Variants in SVOP observed in about 807,000 individuals in gnomAD.
SVOP encodes the protein SV2 related protein.
A neutral mutation model predicts 69.1 loss-of-function variants in SVOP; 17 were observed. The ratio of observed to expected loss-of-function variants is 0.25; its 90% CI spans 0.17 to 0.37. The LOEUF is 0.37. SVOP is among the 10% of genes least tolerant of loss of function. The probability of loss-of-function intolerance (pLI) is 1.00; values close to 1 mark genes in which losing one functional copy is unlikely to be tolerated. For missense variants in SVOP, 435 were observed against 597.5 expected, an observed-to-expected ratio of 0.73 and a Z score of 2.84; for synonymous variants, 238 against 238.6, an observed-to-expected ratio of 1.00 and a Z score of 0.02.
rs1388276839 is a variant in SVOP, at chr12:108,910,551, G to A, written c.*1984C>T. 1 of 152,234 alleles carries A rather than the reference G, an allele frequency of 6.6e-6. No individual in the cohort carries two copies. Among genetic ancestry groups the A allele is most frequent in the Non-Finnish European group, 1.5e-5 (1 of 68,042 alleles). The allele number at this position is 152,234 out of a possible 1,614,324, so 9.4% of individuals were successfully genotyped here. On this transcript the variant is annotated 3_prime_UTR_variant, in exon 16 of 16. Coordinates refer to ENST00000610966, the MANE Select transcript of SVOP (RefSeq NM_018711.5). ...TTCAAGGAAATGTGGTTGTCAGAGA[G>A]AGACAGAGATCTGCCAAGCCATCTC...
chr12:109,019,947 T>C (rs1440398828), intron 1 of SVOP, among the ~76,000 whole-genome samples: 2 of 152,120 alleles, frequency 1.3e-5, no homozygotes, highest in Non-Finnish European at 2.9e-5. Context: ...TTTCTAACAA[T>C]CCCAAAGGGA....
intron 12 of SVOP, among the ~76,000 whole-genome samples, chr12:108,922,289 T>C (rs1364420888): frequency 6.6e-6 from 1 of 152,238 alleles, no homozygotes; most frequent in African/African-American, 2.4e-5. Context: ...TTGGGTTCCC[T>C]AAGCTTGGGG....
chr12:108,952,588 T>C (rs1177983178), intron 6 of SVOP, among the ~76,000 whole-genome samples: 1 of 152,118 alleles, frequency 6.6e-6, no homozygotes, highest in African/African-American at 2.4e-5. Flanking sequence ...CTCACACCTG[T>C]AATCCCAACA....
chr12:108,963,211 C>T (rs940297090), intron 5 of SVOP, among the ~76,000 whole-genome samples: 15 of 152,064 alleles, frequency 9.9e-5, no homozygotes, highest in Non-Finnish European at 7.4e-5. Context: ...CTTCCTGTCC[C>T]CCAGGGAACA....
chr12:108,947,122 C>T (rs1318957163), intron 6 of SVOP, among the ~76,000 whole-genome samples: 2 of 152,164 alleles, frequency 1.3e-5, no homozygotes, highest in Non-Finnish European at 2.9e-5. Flanking sequence ...TCCATCATTC[C>T]TTGAGGTCTT....
chr12:109,000,239 C>T (rs1029975015), intron 1 of SVOP, among the ~76,000 whole-genome samples: 1 of 151,276 alleles, frequency 6.6e-6, no homozygotes, highest in Non-Finnish European at 1.5e-5. Flanking sequence ...TCGACACATA[C>T]AGTCTCCCAA....
At chr12:109,002,843 G>A (rs1007248523) in intron 1 of SVOP, among the ~76,000 whole-genome samples, 2 of 150,116 alleles carry the variant, frequency 1.3e-5, no homozygotes, top group Non-Finnish European at 3.0e-5. Flanking sequence ...AGCATTGGGA[G>A]ATATACCTAA....
chr12:108,919,105 C>T (rs1451498223), intron 13 of SVOP, among the ~76,000 whole-genome samples: 2 of 151,430 alleles, frequency 1.3e-5, no homozygotes, highest in Non-Finnish European at 2.9e-5. Flanking sequence ...TGGGTCTGTA[C>T]CCCTACCTGC....
chr12:108,952,230 C>CTTTTTTTTTTTTTTTT (rs36191772), intron 6 of SVOP, among the ~76,000 whole-genome samples: 17 of 98,362 alleles, frequency 1.7e-4, no homozygotes, highest in East Asian at 3.5e-4. Context: ...TTTCTTTTCT[C>CTTTTTTTTTTTTTTTT]TTTTTTTTTT....
At chr12:108,961,153 TAC>T in intron 5 of SVOP, 106 bp from the exon 6 acceptor site, 3 of 1,372,232 alleles carry the variant, frequency 2.2e-6, no homozygotes, top group Non-Finnish European at 2.9e-6. Flanking sequence ...AAAGGGAGCC[TAC>T]ACAACCAAGG....
chr12:108,940,488 T>C (rs1291452328), intron 8 of SVOP, among the ~76,000 whole-genome samples: 1 of 152,126 alleles, frequency 6.6e-6, no homozygotes, highest in Non-Finnish European at 1.5e-5. Context: ...AACTTAAGAG[T>C]CTCAACTAGT....
intron 15 of SVOP, among the ~76,000 whole-genome samples, chr12:108,913,265 T>C (rs1307371040): frequency 1.3e-5 from 2 of 152,098 alleles, no homozygotes; most frequent in African/African-American, 4.8e-5. Context: ...TTCTCCATGT[T>C]GGTCAGGCTG....
intron 13 of SVOP, among the ~76,000 whole-genome samples, chr12:108,919,352 CACCCACACTTGGGCCTAT>C (rs1394394957): frequency 6.8e-6 from 1 of 147,352 alleles, no homozygotes; most frequent in Non-Finnish European, 1.5e-5. Flanking sequence ...CCTATACCTG[CACCCACACTTGGGCCTAT>C]ACCCACACCT....
At chr12:108,969,752 A>C (rs2040068155) in intron 5 of SVOP, among the ~76,000 whole-genome samples, 2 of 97,346 alleles carry the variant, frequency 2.1e-5, no homozygotes, top group African/African-American at 7.4e-5. Context: ...CTGTCCTTAA[A>C]CTCTTGTTCA....
chr12:108,918,751 C>G, intron 13 of SVOP, among the ~76,000 whole-genome samples: 1 of 152,082 alleles, frequency 6.6e-6, no homozygotes, highest in East Asian at 1.9e-4. Context: ...TGAAATATTT[C>G]CATTGAACAA....
At chr12:108,915,704 C>G in intron 15 of SVOP, 79 bp downstream of exon 15, 1 of 1,419,786 alleles carries the variant, frequency 7.0e-7, no homozygotes, top group East Asian at 2.6e-5. Flanking sequence ...GCTCTGGGGA[C>G]AGTCGGCATG....
At chr12:108,939,254 C>T (rs2039874714) in intron 8 of SVOP, among the ~76,000 whole-genome samples, 1 of 152,116 alleles carries the variant, frequency 6.6e-6, no homozygotes, top group Non-Finnish European at 1.5e-5. Context: ...TAGTGCAGTG[C>T]CTGGTATGGG....
At chr12:108,951,248 C>T (rs1290718109) in intron 6 of SVOP, among the ~76,000 whole-genome samples, 1 of 152,176 alleles carries the variant, frequency 6.6e-6, no homozygotes, top group East Asian at 1.9e-4. Context: ...ACAAGTAGGG[C>T]GTGGGTTACC....
rs1362621671 is a variant in SVOP at position 108,941,335 on chromosome 12, AC to A, written c.643-427del. On this transcript the variant is annotated intron_variant, in intron 7 of 15. Transcript: ENST00000610966. ...CCTCCCAGGCTCAAGCAATCCTCCC[AC>A]CTCAGCCTCCTGAGTGGCTGGAACT... 2.0e-5 allele frequency among the ~76,000 whole-genome samples: 3 copies of A among 151,650 alleles called. No individual in the cohort carries two copies. The East Asian group carries it at 5.9e-4, about 30-fold the overall frequency.
Sources: gnomAD v4.1 joint callset for allele counts (sites outside exome capture counted in the v4.1 genomes callset) on GRCh38, gnomAD v4.1.1 for gene constraint, MANE v1.5 for transcripts, NCBI Gene and HGNC (gene_info 2026-07-23, HGNC 2026-07-21) for gene names.